Variants in NDEL1 observed in about 807,000 individuals in gnomAD.
NDEL1 encodes the protein nuclear distribution protein nudE-like 1.
In NDEL1, 9 loss-of-function variants were observed where a neutral mutation model predicts 45.7. That is an observed-to-expected ratio of 0.20 (90% CI 0.12 to 0.34). The LOEUF (loss-of-function observed/expected upper bound fraction) is 0.34, where lower values mean the gene tolerates loss of function less well. NDEL1 is among the 10% of genes least tolerant of loss of function. The probability of loss-of-function intolerance (pLI) is 1.00; values close to 1 mark genes in which losing one functional copy is unlikely to be tolerated. For missense variants in NDEL1, 306 were observed against 406.2 expected (o/e 0.75, Z 2.12); for synonymous variants, 133 against 158.6 (o/e 0.84, Z 1.21).
At chr17:8,424,541 G>A (rs968353399) in intron 1 of NDEL1, among the ~76,000 whole-genome samples, 2 of 152,096 alleles carry the variant, frequency 1.3e-5, no homozygotes, top group Non-Finnish European at 2.9e-5. Flanking sequence ...TTGTTCTGTC[G>A]CCCAGGCTGG....
Position 8,474,075 on chromosome 17 carries a change from T to C in NDEL1, c.417+13915T>C, listed in dbSNP as rs1018204887. Reference sequence around the variant, plus strand: ...GCCAGGACTGGCCTGAGAATTATTCTGTCGTCTGACCTGGGAGACAGCGCC... The same window carrying C: ...GCCAGGACTGGCCTGAGAATTATTCCGTCGTCTGACCTGGGAGACAGCGCC... On this transcript the variant is annotated intron_variant, in intron 3 of 3. Coordinates refer to the NDEL1 transcript ENST00000581679. 2.0e-5 allele frequency: 3 copies of C among 152,596 alleles called. No individual in the cohort carries two copies. The East Asian group carries it at 5.8e-4, about 29-fold the overall frequency. The allele number at this position is 152,596 out of a possible 1,614,324, so 9.5% of individuals were successfully genotyped here. A position where few individuals can be genotyped will look rare whatever the true frequency, so the allele number is the denominator to read the frequency against.
At chr17:8,452,666 T>C (rs550889219) in intron 6 of NDEL1, among the ~76,000 whole-genome samples, 1 of 151,692 alleles carries the variant, frequency 6.6e-6, no homozygotes, top group South Asian at 2.1e-4. Flanking sequence ...ACAATGTTTG[T>C]TTCTCTTTCT....
chr17:8,423,514 T>A (rs983920506), intron 1 of NDEL1, among the ~76,000 whole-genome samples: 3 of 152,018 alleles, frequency 2.0e-5, no homozygotes, highest in Non-Finnish European at 4.4e-5. Context: ...CAAAACCCCA[T>A]CTCTACTAAA....
intron 1 of NDEL1, among the ~76,000 whole-genome samples, chr17:8,423,619 G>A (rs189857964): frequency 4.6e-5 from 7 of 152,288 alleles, no homozygotes; most frequent in Admixed American, 3.3e-4. Flanking sequence ...AGGAGGCGAA[G>A]GTTGCAGTGA....
intron 3 of NDEL1, 122 bp downstream of exon 3, chr17:8,445,986 G>T (rs1910056510): frequency 2.0e-6 from 2 of 977,914 alleles, no homozygotes; most frequent in Non-Finnish European, 2.8e-6. Context: ...CGCTTAAAGT[G>T]AATTTTTGAA....
At chr17:8,415,005 G>T (rs2151690376) in intron 1 of NDEL1, among the ~76,000 whole-genome samples, 1 of 152,180 alleles carries the variant, frequency 6.6e-6, no homozygotes, top group South Asian at 2.1e-4. Context: ...CTCTTGGATT[G>T]GTTTCTCCCC....
intron 1 of NDEL1, among the ~76,000 whole-genome samples, chr17:8,429,582 G>GC (rs1385778125): frequency 6.6e-6 from 1 of 152,168 alleles, no homozygotes; most frequent in Non-Finnish European, 1.5e-5. Context: ...GGCAGCAGCT[G>GC]CAGTGTAAAG....
At chr17:8,472,674 C>A (rs201026952), downstream of NDEL1, among the ~76,000 whole-genome samples, 1 of 151,810 alleles carries the variant, frequency 6.6e-6, no homozygotes, top group Non-Finnish European at 1.5e-5. Flanking sequence ...GGAAAAAAAA[C>A]AAGTTGTTAT....
At chr17:8,460,612 G>A (rs992735515) in intron 8 of NDEL1, among the ~76,000 whole-genome samples, 1 of 152,202 alleles carries the variant, frequency 6.6e-6, no homozygotes, top group African/African-American at 2.4e-5. Context: ...CAGTTTAGGA[G>A]ATACAACTTT....
chr17:8,473,036 G>C (rs575170570), downstream of NDEL1, among the ~76,000 whole-genome samples: 1 of 152,130 alleles, frequency 6.6e-6, no homozygotes, highest in African/African-American at 2.4e-5. Flanking sequence ...CTGGAGTGTC[G>C]GGTCAGTCAA....
At chr17:8,420,680 G>T (rs1034805141) in intron 1 of NDEL1, among the ~76,000 whole-genome samples, 9 of 152,162 alleles carry the variant, frequency 5.9e-5, no homozygotes, top group Non-Finnish European at 1.3e-4. Flanking sequence ...GGAAGCAAAG[G>T]GAAGCCCTTT....
downstream of NDEL1, among the ~76,000 whole-genome samples, chr17:8,471,423 A>ATC (rs1183312101): frequency 6.6e-6 from 1 of 152,246 alleles, no homozygotes; most frequent in Non-Finnish European, 1.5e-5. Context: ...TGATTGTGAG[A>ATC]TACAGGAGAT....
chr17:8,417,640 A>G (rs1417626353), intron 1 of NDEL1, among the ~76,000 whole-genome samples: 1 of 152,196 alleles, frequency 6.6e-6, no homozygotes, highest in Non-Finnish European at 1.5e-5. Flanking sequence ...GGAACCCCCC[A>G]GAAGAATGCT....
chr17:8,455,684 A>C (rs1350965150), intron 7 of NDEL1, among the ~76,000 whole-genome samples: 1 of 22,864 alleles, frequency 4.4e-5, no homozygotes, highest in Non-Finnish European at 1.2e-4. Flanking sequence ...GCAAGACTCC[A>C]TCTCAAAAAA....
chr17:8,467,266 T>A lies in NDEL1; in HGVS notation c.*243T>A, dbSNP rs1163884201. ...CGTTGGTTTCACATGATTGCACTTTTGTGGGTCGCAAGGTGATACATACGT... is the reference window on the plus strand; with the variant it reads ...CGTTGGTTTCACATGATTGCACTTTAGTGGGTCGCAAGGTGATACATACGT... On this transcript the variant is annotated 3_prime_UTR_variant, in exon 9 of 9. Coordinates refer to ENST00000334527, the MANE Select transcript of NDEL1 (RefSeq NM_030808.5). This position sits in a 1 kb window ranked among gnomAD's most constrained non-coding sequence, Gnocchi z 6.3. 4 of 587,092 alleles carry A rather than the reference T, an allele frequency of 6.8e-6. No individual in the cohort carries two copies. The highest frequency in any genetic ancestry group is 2.0e-5 in the South Asian group (1 of 48,838). The allele number at this position is 587,092 out of a possible 1,614,324, so 36.4% of individuals were successfully genotyped here. A position where few individuals can be genotyped will look rare whatever the true frequency, so the allele number is the denominator to read the frequency against.
At chr17:8,446,617 A>T in intron 3 of NDEL1, 137 bp from the exon 4 acceptor site, 1 of 763,686 alleles carries the variant, frequency 1.3e-6, no homozygotes. Context: ...TGTGTCATTT[A>T]GTTGTTTTTA....
intron 1 of NDEL1, among the ~76,000 whole-genome samples, chr17:8,442,099 A>G (rs2151711808): frequency 6.6e-6 from 1 of 152,248 alleles, no homozygotes; most frequent in East Asian, 1.9e-4. Context: ...TGAGGTAGCT[A>G]GTGTGCAGTG....
intron 1 of NDEL1, among the ~76,000 whole-genome samples, chr17:8,422,001 T>C (rs1243418388): frequency 6.6e-6 from 1 of 152,166 alleles, no homozygotes; most frequent in African/African-American, 2.4e-5. Flanking sequence ...GGGAAGTCAC[T>C]TTAACAAAAT....
Position 8,466,966 on chromosome 17 carries a change from T to C in NDEL1, c.981T>C (p.Pro327=). 6.2e-7 allele frequency: 1 copy of C among 1,614,230 alleles called. No individual in the cohort carries two copies. Among genetic ancestry groups the C allele is most frequent in the Non-Finnish European group, 8.5e-7 (1 of 1,180,042 alleles). The change falls in exon 9 of 9, where the codon CCT becomes CCC. Residue 327 remains proline (P), a synonymous_variant. Coordinates refer to ENST00000334527, the MANE Select transcript of NDEL1 (RefSeq NM_030808.5). The part of the protein sequence containing the change: ...VNGFDPAPPP[P]GLGSSRPSSA... ...GCTTTGACCCCGCTCCTCCTCCTCCTGGTCTGGGCTCCTCGCGTCCATCGT... is the reference window on the plus strand; with the variant it reads ...GCTTTGACCCCGCTCCTCCTCCTCCCGGTCTGGGCTCCTCGCGTCCATCGT...
Sources: allele counts gnomAD v4.1 joint callset (sites outside exome capture counted in the v4.1 genomes callset), GRCh38; gene constraint gnomAD v4.1.1; non-coding constraint Gnocchi (gnomAD v3.1); transcripts MANE v1.5; gene names NCBI Gene and HGNC (gene_info 2026-07-23, HGNC 2026-07-21).